PUS7L: variants seen among roughly 807,000 people sequenced by gnomAD.
The protein encoded by PUS7L is pseudouridine synthase 7 like.
A neutral mutation model predicts 51.1 loss-of-function variants in PUS7L; 49 were observed. The ratio of observed to expected loss-of-function variants is 0.96; its 90% CI spans 0.76 to 1.22. The LOEUF (loss-of-function observed/expected upper bound fraction) is 1.22, where lower values mean the gene tolerates loss of function less well. PUS7L is among the 50% of genes most tolerant of loss of function. The pLI, the probability that PUS7L is intolerant of heterozygous loss-of-function variation, is 0.00. For synonymous variants in PUS7L, 277 were observed against 276.2 expected (o/e 1.00, Z -0.03); for missense variants, 828 against 820.6 (o/e 1.01, Z -0.11).
At chr12:43,745,182 T>C (rs1348006674) in intron 4 of PUS7L, among the ~76,000 whole-genome samples, 2 of 152,210 alleles carry the variant, frequency 1.3e-5, no homozygotes, top group African/African-American at 2.4e-5. Context: ...GATGTCTAGA[T>C]GATCTAAGAT....
At position 43,722,581 on chromosome 12, in the gene PUS7L, ATAAAT is replaced by A. The variant is rs1056049334; in HGVS notation, c.*7790_*7794del. ...TTCCTTTGCGATATTTTATAGAAAA[ATAAAT>A]TAGTTTCCTTTTGAAAATCATATGC... On this transcript the variant is annotated 3_prime_UTR_variant, in exon 9 of 9. Coordinates refer to ENST00000344862, the MANE Select transcript of PUS7L (RefSeq NM_031292.5). 7.9e-5 allele frequency: 12 copies of A among 152,284 alleles called. No homozygotes were observed. Among genetic ancestry groups the A allele is most frequent in the Admixed American group, 2.6e-4 (4 of 15,294 alleles). The allele number at this position is 152,284 out of a possible 1,614,324, so 9.4% of individuals were successfully genotyped here. A position where few individuals can be genotyped will look rare whatever the true frequency, so the allele number is the denominator to read the frequency against.
chr12:43,751,825 G>C (rs922429344), intron 2 of PUS7L, among the ~76,000 whole-genome samples: 2 of 152,182 alleles, frequency 1.3e-5, no homozygotes, highest in African/African-American at 4.8e-5. Flanking sequence ...CAGTGTAAAA[G>C]TGTTCCTATT....
rs1187699458 is a variant in PUS7L, at chr12:43,754,330, A to T, written c.910+6T>A. On this transcript the variant is annotated splice_donor_region_variant and intron_variant, in intron 2 of 8. Coordinates refer to ENST00000344862, the MANE Select transcript of PUS7L (RefSeq NM_031292.5). ...CAAGAAAATGGATGATGATTTATTA[A>T]ATTACCTGTATATATAACTTTTCCT... is the stretch of plus-strand genomic sequence containing the variant. 6.5e-7 allele frequency: 1 copy of T among 1,528,636 alleles called. No individual in the cohort carries two copies. The highest frequency in any genetic ancestry group is 8.9e-7 in the Non-Finnish European group (1 of 1,129,076). 94.7% of individuals were successfully genotyped at this position (1,528,636 alleles called of 1,614,324 possible).
chr12:43,727,011 T>C lies in PUS7L; in HGVS notation c.*3365A>G, dbSNP rs1472816589. The C allele has an allele frequency of 6.6e-6, 1 of 152,022 alleles. No homozygotes were observed. The allele number at this position is 152,022 out of a possible 1,614,324, so 9.4% of individuals were successfully genotyped here. On this transcript the variant is annotated 3_prime_UTR_variant, in exon 9 of 9. Transcript: ENST00000344862. Reference sequence around the variant, plus strand: ...ACTTAACAAGCAAAAAATTATCCCATTAAAAACGGAAGAAAGGACATGAAC... The same window carrying C: ...ACTTAACAAGCAAAAAATTATCCCACTAAAAACGGAAGAAAGGACATGAAC...
chr12:43,734,988 AC>A (rs1478447544), intron 7 of PUS7L, among the ~76,000 whole-genome samples: 1 of 152,190 alleles, frequency 6.6e-6, no homozygotes, highest in East Asian at 1.9e-4. Flanking sequence ...GATTTATGGA[AC>A]CCAGTTTCAT....
rs1469492308 is a variant in PUS7L at position 43,720,185 on chromosome 12, T to A, written c.*10191A>T. 1 of 152,208 alleles carries A rather than the reference T, an allele frequency of 6.6e-6. No individual in the cohort carries two copies. Among genetic ancestry groups the A allele is most frequent in the Non-Finnish European group, 1.5e-5 (1 of 68,022 alleles). 9.4% of individuals were successfully genotyped at this position (152,208 alleles called of 1,614,324 possible). ...AATATTTTCTAATTTCATTTTGTCT[T>A]ACTTGACATATAGATTACTTAGAAG... On this transcript the variant is annotated 3_prime_UTR_variant, in exon 9 of 9. Transcript: ENST00000344862.
intron 4 of PUS7L, among the ~76,000 whole-genome samples, chr12:43,745,188 A>G (rs1390905242): frequency 1.3e-5 from 2 of 152,184 alleles, no homozygotes; most frequent in Admixed American, 6.5e-5. Context: ...TAGATGATCT[A>G]AGATGGTCTA....
In PUS7L at chr12:43,721,674, T is replaced by G. The variant is rs752132450; in HGVS notation, c.*8702A>C. The G allele has an allele frequency of 3.9e-5, 6 of 152,148 alleles. No individual in the cohort carries two copies. The highest frequency in any genetic ancestry group is 8.8e-5 in the Non-Finnish European group (6 of 68,012). 9.4% of individuals were successfully genotyped at this position (152,148 alleles called of 1,614,324 possible). Reference sequence around the variant, plus strand: ...TGTGAGCCATGAGATGGTAGAGAACTATACAAAAGGCTATGAGAACACAGA... The same window carrying G: ...TGTGAGCCATGAGATGGTAGAGAACGATACAAAAGGCTATGAGAACACAGA... On this transcript the variant is annotated 3_prime_UTR_variant, in exon 9 of 9. Transcript: ENST00000344862.
rs962049038 is a variant in PUS7L, at chr12:43,726,218, A to G, written c.*4158T>C. On this transcript the variant is annotated 3_prime_UTR_variant, in exon 9 of 9. Coordinates refer to ENST00000344862, the MANE Select transcript of PUS7L (RefSeq NM_031292.5). The stretch of plus-strand genomic sequence containing the variant: ...GACACATAGACCAATGGAACAGGTT[A>G]GAGAACCCAGAAATAAAGGCCACAC... 27 of 152,194 alleles carry G rather than the reference A, an allele frequency of 1.8e-4. 1 individual carries two copies. Among genetic ancestry groups the G allele is most frequent in the African/African-American group, 6.3e-4 (26 of 41,446 alleles). 9.4% of individuals were successfully genotyped at this position (152,194 alleles called of 1,614,324 possible).
Position 43,748,505 on chromosome 12 carries a change from C to T in PUS7L, c.1015G>A (p.Asp339Asn), listed in dbSNP as rs977821846. ...GCTTGATAGGTGATGGCTTTCTTGTCTTTAAGGCCTGCATAACTAAAATCC... is the reference window on the plus strand; with the variant it reads ...GCTTGATAGGTGATGGCTTTCTTGTTTTTAAGGCCTGCATAACTAAAATCC... The part of the protein sequence containing the change: ...PSDFSYAGLK[D>N]KKAITYQAMV... Residue 339 changes from aspartate to asparagine, a missense_variant, in exon 3 of 9, where the codon GAC (aspartate) becomes AAC (asparagine). Asp to Asn is a conservative substitution (Grantham distance 23). Coordinates refer to ENST00000344862, the MANE Select transcript of PUS7L (RefSeq NM_031292.5). The T allele has an allele frequency of 1.2e-6, 2 of 1,611,786 alleles. No individual in the cohort carries two copies. The highest frequency in any genetic ancestry group is 1.7e-6 in the Non-Finnish European group (2 of 1,179,382).
chr12:43,720,137 T>G lies in PUS7L; in HGVS notation c.*10239A>C, dbSNP rs1439627641. On this transcript the variant is annotated 3_prime_UTR_variant, in exon 9 of 9. Transcript: ENST00000344862. Reference sequence around the variant, plus strand: ...ATCCCACAAGTTTTGATGTGTAGTATGGTTTAATATCATTGACTTAAAAAT... The same window carrying G: ...ATCCCACAAGTTTTGATGTGTAGTAGGGTTTAATATCATTGACTTAAAAAT... 1 of 152,322 alleles carries G rather than the reference T, an allele frequency of 6.6e-6. No individual in the cohort carries two copies. Among genetic ancestry groups the G allele is most frequent in the South Asian group, 2.1e-4 (1 of 4,824 alleles). 9.4% of individuals were successfully genotyped at this position (152,322 alleles called of 1,614,324 possible).
chr12:43,743,793 A>C lies in PUS7L; in HGVS notation c.1264-1238T>G, dbSNP rs474072. ...AAAAAAAATTAATTACAGATAGAAT[A>C]AGTACTCCCTGAATTAAATCTCATA... On this transcript the variant is annotated intron_variant, in intron 4 of 8. Transcript: ENST00000344862. 1.8e-4 allele frequency among the ~76,000 whole-genome samples: 27 copies of C among 152,166 alleles called. 1 individual carries two copies. The highest frequency in any genetic ancestry group is 6.3e-4 in the African/African-American group (26 of 41,464).
chr12:43,746,277 C>T (rs59209906), intron 3 of PUS7L, 39 bp from the exon 4 acceptor site: 52,962 of 912,660 alleles, frequency 0.058, 1,837 homozygotes, highest in Middle Eastern at 0.092. Context: ...TTAAATTTTA[C>T]ATTTAAAAAT....
Position 43,730,499 on chromosome 12 carries a change from A to G in PUS7L, c.1983T>C (p.Ile661=). 6.2e-7 allele frequency: 1 copy of G among 1,613,824 alleles called. No homozygotes were observed. The highest frequency in any genetic ancestry group is 8.5e-7 in the Non-Finnish European group (1 of 1,179,766). The stretch of plus-strand genomic sequence containing the variant: ...TGTGGGAACCTTTCGTTTTGACATC[A>G]ATGTCATGATCTTCCATTAGTTGGT... The part of the protein sequence containing the change: ...LSYQLMEDHD[I]DVKTKGSHID... Residue 661 remains isoleucine, a synonymous_variant, in exon 9 of 9, where the codon ATT becomes ATC. Coordinates refer to ENST00000344862, the MANE Select transcript of PUS7L (RefSeq NM_031292.5).
chr12:43,748,061 T>C (rs1938255575), intron 3 of PUS7L, among the ~76,000 whole-genome samples: 1 of 152,230 alleles, frequency 6.6e-6, no homozygotes, highest in Non-Finnish European at 1.5e-5. Flanking sequence ...AGTACTGTGA[T>C]TATAGGCGTA....
At chr12:43,758,660 CCCCCCCACA>C in intron 1 of PUS7L, 61 bp downstream of exon 1, 1 of 740,504 alleles carries the variant, frequency 1.4e-6, no homozygotes, top group Non-Finnish European at 1.5e-6. Flanking sequence ...CGTCACCCCC[CCCCCCCACA>C]CACACACACA....
intron 5 of PUS7L, among the ~76,000 whole-genome samples, chr12:43,740,059 T>G (rs1000429515): frequency 1.3e-5 from 2 of 152,164 alleles, no homozygotes; most frequent in Admixed American, 1.3e-4. Flanking sequence ...GCCCTCAATT[T>G]CCTAAATTCT....
Position 43,742,535 on chromosome 12 carries a change from G to T in PUS7L, c.1284C>A (p.Tyr428Ter). 1 of 1,604,726 alleles carries T rather than the reference G, an allele frequency of 6.2e-7. No individual in the cohort carries two copies. The highest frequency in any genetic ancestry group is 8.5e-7 in the Non-Finnish European group (1 of 1,176,988). ...CCTTCCCAAATCTCTGTGGTCCATA[G>T]TAATTCACAAAGCCTTTTTTCTATG... ...ENVKKKGFVN[Y>*]YGPQRFGKGR... The change falls in exon 5 of 9, where the codon TAC (tyrosine) becomes TAA (stop). Residue 428 changes from tyrosine to a stop codon, truncating the protein, a stop_gained. Coordinates refer to ENST00000344862, the MANE Select transcript of PUS7L (RefSeq NM_031292.5). LOFTEE classifies it high-confidence loss of function.
chr12:43,740,894 A>G (rs1937866897), intron 5 of PUS7L: 1 of 152,268 alleles, frequency 6.6e-6, no homozygotes, highest in African/African-American at 2.4e-5. Context: ...AACAACCACG[A>G]GCATGAGCTT....
Sources: gnomAD v4.1 joint callset for allele counts (sites outside exome capture counted in the v4.1 genomes callset) on GRCh38, gnomAD v4.1.1 for gene constraint, MANE v1.5 for transcripts, NCBI Gene and HGNC (gene_info 2026-07-23, HGNC 2026-07-21) for gene names.